The following CRY2 variants were observed in gnomAD, a reference collection of about 807,000 sequenced individuals.
CRY2 encodes cryptochrome-2.
In CRY2, 31 loss-of-function variants were observed where a neutral mutation model predicts 69.5. That is an observed-to-expected ratio of 0.45 (90% confidence interval 0.34 to 0.60). The LOEUF (loss-of-function observed/expected upper bound fraction) is 0.60, where lower values mean the gene tolerates loss of function less well. CRY2 is among the 20% of genes least tolerant of loss of function. The pLI is 0.02. For synonymous variants in CRY2, 303 were observed against 312.2 expected (o/e 0.97, Z 0.31); for missense variants, 606 against 797.8 (o/e 0.76, Z 2.90).
chr11:45,853,402 A>G (rs1390180914), intron 1 of CRY2, among the ~76,000 whole-genome samples: 1 of 152,206 alleles, frequency 6.6e-6, no homozygotes, highest in Non-Finnish European at 1.5e-5. Context: ...AAAGAAGAAA[A>G]GGGCTCTCAT....
At chr11:45,848,041 C>T (rs1307529195) in intron 1 of CRY2, among the ~76,000 whole-genome samples, 1 of 152,192 alleles carries the variant, frequency 6.6e-6, no homozygotes, top group Non-Finnish European at 1.5e-5. Flanking sequence ...ACAGGGGCTC[C>T]TGGTCTAGGG....
At chr11:45,864,745 G>A (rs1189839649) in intron 5 of CRY2, among the ~76,000 whole-genome samples, 2 of 152,080 alleles carry the variant, frequency 1.3e-5, no homozygotes, top group African/African-American at 4.8e-5. Flanking sequence ...GCGAGTGCCT[G>A]TAATCCCAGC....
chr11:45,858,546 C>T (rs577466211), intron 2 of CRY2, among the ~76,000 whole-genome samples, 185 bp from the exon 3 acceptor site: 38 of 152,360 alleles, frequency 2.5e-4, no homozygotes, highest in African/African-American at 9.1e-4. Context: ...ACTGCCTGCC[C>T]TCCTCAAACT....
rs776050157 is a variant in CRY2, at chr11:45,847,531, C to T, written c.41C>T (p.Ala14Val). The T allele has an allele frequency of 2.5e-6, 4 of 1,583,970 alleles. No individual in the cohort carries two copies. The highest frequency in any genetic ancestry group is 2.7e-5 in the African/African-American group (2 of 74,796). ...TVATAAAVAPAPAPGTDSASS... is the reference protein window; with the variant it reads ...TVATAAAVAPVPAPGTDSASS... ...GCGACGGCGGCAGCTGTGGCCCCGG[C>T]GCCAGCGCCCGGCACGGACAGCGCC... Residue 14 changes from alanine (A) to valine (V), a missense_variant, in exon 1 of 12, where the codon GCG becomes GTG. Coordinates refer to ENST00000616080, the MANE Select transcript of CRY2 (RefSeq NM_021117.5).
intron 5 of CRY2, 120 bp downstream of exon 5, chr11:45,862,268 C>G (rs534938491): frequency 1.2e-6 from 1 of 839,400 alleles, no homozygotes; most frequent in Non-Finnish European, 1.8e-6. Context: ...ATGAAAAATC[C>G]TCCTATCCTC....
At chr11:45,864,915 A>C (rs997437978) in intron 5 of CRY2, among the ~76,000 whole-genome samples, 3 of 152,016 alleles carry the variant, frequency 2.0e-5, no homozygotes, top group African/African-American at 7.2e-5. Context: ...TCCCACAATC[A>C]TGCCTGGCTA....
intron 6 of CRY2, among the ~76,000 whole-genome samples, chr11:45,868,212 G>A (rs917561786): frequency 6.6e-6 from 1 of 152,222 alleles, no homozygotes; most frequent in Non-Finnish European, 1.5e-5. Flanking sequence ...AGGGAGTGGT[G>A]TGGAGGGGCT....
chr11:45,847,294 G>A (rs1484641210), upstream of CRY2: 5 of 1,496,416 alleles, frequency 3.3e-6, no homozygotes, highest in Non-Finnish European at 3.6e-6. Flanking sequence ...AGGAACGTGA[G>A]GGGGCGGGCC....
chr11:45,867,513 T>C (rs2086340395), intron 5 of CRY2, 99 bp from the exon 6 acceptor site: 1 of 1,496,242 alleles, frequency 6.7e-7, no homozygotes, highest in Non-Finnish European at 9.1e-7. Context: ...GGCTGGCTGT[T>C]CTGTGACCGT....
intron 11 of CRY2, among the ~76,000 whole-genome samples, chr11:45,876,020 C>T (rs954724288): frequency 2.0e-5 from 3 of 152,138 alleles, no homozygotes; most frequent in Non-Finnish European, 4.4e-5. Flanking sequence ...GCTATGTAGC[C>T]CAAATTGGTA....
intron 5 of CRY2, among the ~76,000 whole-genome samples, chr11:45,864,364 T>TTGGGA (rs1435783223): frequency 6.6e-6 from 1 of 152,190 alleles, no homozygotes; most frequent in African/African-American, 2.4e-5. Context: ...GACTCACACC[T>TTGGGA]GTAATCTTAG....
chr11:45,868,551 A>C (rs1367290716), intron 6 of CRY2, among the ~76,000 whole-genome samples: 2 of 150,336 alleles, frequency 1.3e-5, no homozygotes, highest in Admixed American at 1.3e-4. Flanking sequence ...ACTCCTGGGC[A>C]CAAGCAATTG....
chr11:45,865,516 G>C (rs1038779855), intron 5 of CRY2, among the ~76,000 whole-genome samples: 2 of 152,226 alleles, frequency 1.3e-5, no homozygotes. Context: ...TGCTTAACCT[G>C]ATACCACAGG....
chr11:45,879,770 G>A (rs1369855810), intron 11 of CRY2, among the ~76,000 whole-genome samples: 1 of 152,316 alleles, frequency 6.6e-6, no homozygotes, highest in East Asian at 1.9e-4. Flanking sequence ...AGACTGGGTG[G>A]CTTAATCAAG....
In CRY2 at chr11:45,870,420, C is replaced by T; in HGVS notation, c.1437C>T (p.Cys479=). ...AGTCAATTCAGAAGGCAGCCAAGTG[C>T]ATCATTGGTGTGGACTACCCACGGC... is the stretch of plus-strand genomic sequence containing the variant. ...APESIQKAAK[C]IIGVDYPRPI... is the part of the protein sequence containing the mutation. The change falls in exon 9 of 12, where the codon TGC becomes TGT. Residue 479 remains cysteine, a synonymous_variant. Coordinates refer to ENST00000616080, the MANE Select transcript of CRY2 (RefSeq NM_021117.5). 1.9e-6 allele frequency: 3 copies of T among 1,614,242 alleles called. No homozygotes were observed. Among genetic ancestry groups the T allele is most frequent in the Non-Finnish European group, 2.5e-6 (3 of 1,180,044 alleles).
intron 4 of CRY2, 145 bp from the exon 5 acceptor site, chr11:45,861,915 G>A (rs1034388993): frequency 2.0e-5 from 14 of 688,936 alleles, no homozygotes; most frequent in Admixed American, 1.8e-4. Context: ...CCTAGAAAAC[G>A]CTAAAACTTT....
chr11:45,869,617 C>T lies in CRY2; in HGVS notation c.994C>T (p.Pro332Ser), dbSNP rs772129028. Reference sequence around the variant, plus strand: ...CAGGTTTGACCGCATGGAGGGGAACCCCATCTGCATCCAGATCCCCTGGGA... The same window carrying T: ...CAGGTTTGACCGCATGGAGGGGAACTCCATCTGCATCCAGATCCCCTGGGA... ...NPRFDRMEGN[P>S]ICIQIPWDRN... Residue 332 changes from proline to serine, a missense_variant, in exon 7 of 12, where the codon CCC becomes TCC. Transcript: ENST00000616080. 6.2e-6 allele frequency: 10 copies of T among 1,614,146 alleles called. No homozygotes were observed. The highest frequency in any genetic ancestry group is 8.5e-6 in the Non-Finnish European group (10 of 1,180,054).
rs902342422 is a variant in CRY2 at position 45,883,149 on chromosome 11, C to T, written c.*2238C>T. The T allele has an allele frequency of 1.8e-5, 3 of 168,748 alleles. No homozygotes were observed. Among genetic ancestry groups the T allele is most frequent in the Non-Finnish European group, 2.5e-5 (2 of 79,112 alleles). 10.5% of individuals were successfully genotyped at this position (168,748 alleles called of 1,614,324 possible). On this transcript the variant is annotated 3_prime_UTR_variant, in exon 12 of 12. Coordinates refer to ENST00000616080, the MANE Select transcript of CRY2 (RefSeq NM_021117.5). The stretch of plus-strand genomic sequence containing the variant: ...GGAAGAGATGGTTGCAGGCAAAATG[C>T]ACTTTATAGAGATTTTCTATTGCTG...
At position 45,860,902 on chromosome 11, in the gene CRY2, C is replaced by A. The variant is rs1415914599; in HGVS notation, c.522C>A (p.Ala174=). Residue 174 remains alanine (A), a synonymous_variant, in exon 4 of 12, where the codon GCC becomes GCA. Coordinates refer to ENST00000616080, the MANE Select transcript of CRY2 (RefSeq NM_021117.5). ...KPPLTYKRFQ[A]IISRMELPKK... ...CCCTTACATACAAGCGCTTTCAGGC[C>A]ATCATCAGCCGCATGGAGCTGCCCA... The A allele has an allele frequency of 6.2e-7, 1 of 1,614,174 alleles. No homozygotes were observed. Among genetic ancestry groups the A allele is most frequent in the African/African-American group, 1.3e-5 (1 of 75,050 alleles).
Sources: gnomAD v4.1 joint callset for allele counts (sites outside exome capture counted in the v4.1 genomes callset) on GRCh38, gnomAD v4.1.1 for gene constraint, MANE v1.5 for transcripts, NCBI Gene and HGNC (gene_info 2026-07-23, HGNC 2026-07-21) for gene names.